Variants in NAALADL2 observed in about 807,000 individuals in gnomAD.
NAALADL2 encodes N-acetylated alpha-linked acidic dipeptidase like 2.
A neutral mutation model predicts 87.2 loss-of-function variants in NAALADL2; 76 were observed. The observed-to-expected ratio is 0.87, with a 90% CI of 0.72 to 1.05. NAALADL2 has a LOEUF of 1.05. Ranked by LOEUF, NAALADL2 falls within the 50% of genes least tolerant of loss-of-function variation. The pLI is 0.00. For synonymous variants in NAALADL2, 354 were observed against 331.0 expected (o/e 1.07, Z -0.75); for missense variants, 1,089 against 945.8 (o/e 1.15, Z -1.99).
chr3:175,661,288 T>C (rs1732213052), intron 11 of NAALADL2, among the ~76,000 whole-genome samples: 1 of 151,946 alleles, frequency 6.6e-6, no homozygotes, highest in Non-Finnish European at 1.5e-5. Flanking sequence ...TGATGATTTG[T>C]ATTTGTTTGT....
At chr3:174,772,197 T>A (rs1714654670) in intron 3 of NAALADL2, among the ~76,000 whole-genome samples, 1 of 152,206 alleles carries the variant, frequency 6.6e-6, no homozygotes, top group East Asian at 1.9e-4. Context: ...AATTAATATA[T>A]TCAATGTCAT....
chr3:174,652,691 TG>T (rs1724496026), intron 2 of NAALADL2, among the ~76,000 whole-genome samples: 1 of 152,152 alleles, frequency 6.6e-6, no homozygotes. Flanking sequence ...TGGTGAGATT[TG>T]GGTGGGACAC....
intron 2 of NAALADL2, among the ~76,000 whole-genome samples, chr3:175,233,604 G>T (rs1398307965): frequency 6.6e-6 from 1 of 152,144 alleles, no homozygotes; most frequent in Non-Finnish European, 1.5e-5. Context: ...AGGACATCAG[G>T]CTAATTTATT....
At chr3:175,681,075 T>C (rs1197892588) in intron 11 of NAALADL2, among the ~76,000 whole-genome samples, 3 of 152,164 alleles carry the variant, frequency 2.0e-5, no homozygotes, top group African/African-American at 4.8e-5. Flanking sequence ...ATCGTGCCAC[T>C]GCACTTCAGC....
At chr3:175,194,735 T>A (rs1738723367) in intron 2 of NAALADL2, among the ~76,000 whole-genome samples, 1 of 151,802 alleles carries the variant, frequency 6.6e-6, no homozygotes, top group Non-Finnish European at 1.5e-5. Flanking sequence ...ATATCATTCT[T>A]GTATTAATAT....
intron 1 of NAALADL2, among the ~76,000 whole-genome samples, chr3:174,468,579 C>G (rs1320275876): frequency 6.6e-6 from 1 of 151,538 alleles, no homozygotes; most frequent in Non-Finnish European, 1.5e-5. Context: ...TGGGGTTTCA[C>G]CATTTTGGCC....
At chr3:175,627,914 T>C (rs1437065113) in intron 11 of NAALADL2, among the ~76,000 whole-genome samples, 1 of 151,716 alleles carries the variant, frequency 6.6e-6, no homozygotes, top group African/African-American at 2.4e-5. Context: ...CTGTCTTCAA[T>C]AGTTTGTTTA....
At chr3:175,268,429 T>C (rs896987427) in intron 4 of NAALADL2, among the ~76,000 whole-genome samples, 2 of 152,086 alleles carry the variant, frequency 1.3e-5, no homozygotes, top group Non-Finnish European at 2.9e-5. Context: ...GAGTGGTGGG[T>C]GAATGTGAAG....
chr3:174,802,774 T>G (rs1308574392), intron 3 of NAALADL2, among the ~76,000 whole-genome samples: 2 of 152,116 alleles, frequency 1.3e-5, no homozygotes, highest in African/African-American at 4.8e-5. Flanking sequence ...AGAATGATGG[T>G]TTCCAGCTTC....
At chr3:175,294,572 T>A (rs1477748409) in intron 4 of NAALADL2, among the ~76,000 whole-genome samples, 2 of 152,214 alleles carry the variant, frequency 1.3e-5, no homozygotes, top group Non-Finnish European at 2.9e-5. Flanking sequence ...TTTTGCAACT[T>A]GCCCAAGATC....
chr3:175,694,117 G>A (rs1293387462), intron 11 of NAALADL2, among the ~76,000 whole-genome samples: 1 of 152,038 alleles, frequency 6.6e-6, no homozygotes, highest in African/African-American at 2.4e-5. Context: ...GCATTAATTT[G>A]TTTTTATGGC....
chr3:175,760,543 A>G (rs546072033), intron 13 of NAALADL2, among the ~76,000 whole-genome samples: 1 of 152,334 alleles, frequency 6.6e-6, no homozygotes, highest in East Asian at 1.9e-4. Context: ...GTATGTTGAA[A>G]ATTACAAAGC....
intron 10 of NAALADL2, among the ~76,000 whole-genome samples, chr3:175,584,397 C>G (rs1720246890): frequency 6.8e-6 from 1 of 146,076 alleles, no homozygotes; most frequent in African/African-American, 2.8e-5. Flanking sequence ...AGAAAACTGG[C>G]CAAGGTCACC....
intron 9 of NAALADL2, among the ~76,000 whole-genome samples, chr3:175,560,002 A>G (rs1716008029): frequency 6.6e-6 from 1 of 152,152 alleles, no homozygotes; most frequent in South Asian, 2.1e-4. Context: ...GAAAAGTTTG[A>G]GTAGCATTGG....
In NAALADL2 at chr3:175,533,469, G is replaced by T. The variant is rs551130253; in HGVS notation, c.1654-42572G>T. On this transcript the variant is annotated intron_variant, in intron 9 of 13. Transcript: ENST00000454872. ...TGTTGCCTCAGGCAGCACAGAGTTTGATCTCCTCAGAAAGGCTGATGGCAG... is the reference window on the plus strand; with the variant it reads ...TGTTGCCTCAGGCAGCACAGAGTTTTATCTCCTCAGAAAGGCTGATGGCAG... Among the ~76,000 whole-genome samples the T allele has an allele frequency of 1.4e-4, 21 of 152,278 alleles. No homozygotes were observed. The South Asian group carries it at 4.4e-3, about 32-fold the overall frequency.
At chr3:175,802,969 G>T (rs372929349) in intron 13 of NAALADL2, 36 bp from the exon 14 acceptor site, 1 of 1,377,238 alleles carries the variant, frequency 7.3e-7, no homozygotes, top group Non-Finnish European at 1.0e-6. Flanking sequence ...ATAGCATTGT[G>T]CATGAAACAT....
intron 4 of NAALADL2, among the ~76,000 whole-genome samples, chr3:175,308,054 T>C (rs1161476642): frequency 6.6e-6 from 1 of 152,210 alleles, no homozygotes; most frequent in South Asian, 2.1e-4. Flanking sequence ...TTAAACATCA[T>C]TTTTGCTTAA....
At chr3:175,442,809 A>C (rs1720032317) in intron 5 of NAALADL2, among the ~76,000 whole-genome samples, 3 of 152,222 alleles carry the variant, frequency 2.0e-5, no homozygotes, top group African/African-American at 4.8e-5. Context: ...TGAAGCATAA[A>C]CAAGGTACAG....
chr3:175,189,156 C>T (rs986357495), intron 2 of NAALADL2, among the ~76,000 whole-genome samples: 1 of 152,082 alleles, frequency 6.6e-6, no homozygotes, highest in African/African-American at 2.4e-5. Context: ...ACTGAAAGCC[C>T]TTCTATTAAG....
Sources: gnomAD v4.1 joint callset for allele counts (sites outside exome capture counted in the v4.1 genomes callset) on GRCh38, gnomAD v4.1.1 for gene constraint, MANE v1.5 for transcripts, NCBI Gene and HGNC (gene_info 2026-07-23, HGNC 2026-07-21) for gene names.